The following UACA variants were observed in gnomAD, a reference collection of about 807,000 sequenced individuals.
UACA encodes the protein nuclear membrane binding protein.
A neutral mutation model predicts 160.5 loss-of-function variants in UACA; 112 were observed. The ratio of observed to expected loss-of-function variants is 0.70; its 90% CI spans 0.60 to 0.82. The LOEUF is 0.82. Ranked by LOEUF, UACA falls within the 40% of genes least tolerant of loss-of-function variation. UACA has a pLI of 0.00. For missense variants in UACA, 1,574 were observed against 1,614.6 expected, an observed-to-expected ratio of 0.97 and a Z score of 0.43; for synonymous variants, 557 against 568.4, an observed-to-expected ratio of 0.98 and a Z score of 0.29.
chr15:70,680,029 CAACTT>C (rs1897439595), intron 9 of UACA: 1 of 92,540 alleles, frequency 1.1e-5, no homozygotes, highest in South Asian at 3.7e-4. Context: ...TAAAAGAACT[CAACTT>C]AAAAAAAAAA....
chr15:70,740,471 A>G (rs1899495381), intron 1 of UACA, among the ~76,000 whole-genome samples: 1 of 149,546 alleles, frequency 6.7e-6, no homozygotes, highest in African/African-American at 2.5e-5. Flanking sequence ...AAAAAATTCA[A>G]TCTATCAATC....
chr15:70,727,294 A>C (rs889384365), intron 1 of UACA, among the ~76,000 whole-genome samples: 1 of 152,198 alleles, frequency 6.6e-6, no homozygotes, highest in African/African-American at 2.4e-5. Flanking sequence ...AAAATTTATA[A>C]TTAATGCATG....
intron 7 of UACA, among the ~76,000 whole-genome samples, chr15:70,686,881 T>C (rs1357801829): frequency 2.0e-5 from 3 of 152,162 alleles, no homozygotes; most frequent in African/African-American, 7.2e-5. Context: ...ACTTCAGAAT[T>C]GTAATACAAC....
rs1186375508 is a variant in UACA at position 70,665,488 on chromosome 15, C to T, written c.3961-674G>A. Among the ~76,000 whole-genome samples, 3 of 152,192 alleles carry T rather than the reference C, an allele frequency of 2.0e-5. No individual in the cohort carries two copies. The South Asian group carries it at 6.2e-4, about 32-fold the overall frequency. On this transcript the variant is annotated intron_variant, in intron 16 of 18. Coordinates refer to ENST00000322954, the MANE Select transcript of UACA (RefSeq NM_018003.4). ...GGGCACAGTGGCTCACACCTATAGT[C>T]CCAACACTTTGGGAGGCTAAGGCAG...
intron 3 of UACA, among the ~76,000 whole-genome samples, chr15:70,693,913 T>C (rs937257199): frequency 4.6e-5 from 7 of 152,178 alleles, no homozygotes; most frequent in Admixed American, 6.5e-5. Context: ...CACTCAAAGG[T>C]AGCAGATAAA....
At chr15:70,778,253 A>G in the UACA span, among the ~76,000 whole-genome samples, 1 of 152,188 alleles carries the variant, frequency 6.6e-6, no homozygotes, top group Non-Finnish European at 1.5e-5. Flanking sequence ...CAAACTTTAC[A>G]TGCCCATAGG....
intron 1 of UACA, among the ~76,000 whole-genome samples, chr15:70,745,880 A>T (rs1899693721): frequency 6.6e-6 from 1 of 152,218 alleles, no homozygotes; most frequent in Non-Finnish European, 1.5e-5. Context: ...CCTACTTAAT[A>T]AATGGTGTTG....
intron 1 of UACA, among the ~76,000 whole-genome samples, chr15:70,702,988 G>C (rs748890482): frequency 1.3e-5 from 2 of 151,776 alleles, no homozygotes; most frequent in Non-Finnish European, 2.9e-5. Flanking sequence ...TGGATTCACT[G>C]GATGAAAAAA....
intron 1 of UACA, among the ~76,000 whole-genome samples, chr15:70,702,770 C>T (rs1404405843): frequency 6.6e-6 from 1 of 152,190 alleles, no homozygotes; most frequent in Non-Finnish European, 1.5e-5. Flanking sequence ...CTGCATACAA[C>T]CAGGTTTCAG....
intron 9 of UACA, among the ~76,000 whole-genome samples, chr15:70,682,201 G>A (rs1213801448): frequency 1.3e-5 from 2 of 152,154 alleles, no homozygotes; most frequent in African/African-American, 2.4e-5. Flanking sequence ...TAAATGTAGT[G>A]CAAAGCATGA....
chr15:70,669,902 G>C (rs915406779), intron 15 of UACA, among the ~76,000 whole-genome samples: 3 of 152,122 alleles, frequency 2.0e-5, no homozygotes, highest in Non-Finnish European at 4.4e-5. Context: ...CAAGTACTGC[G>C]ATTTTAAATT....
At chr15:70,699,681 A>AC in intron 1 of UACA, 21 bp from the exon 2 acceptor site, 1 of 1,608,748 alleles carries the variant, frequency 6.2e-7, no homozygotes, top group Non-Finnish European at 8.5e-7. Context: ...GAAAAAAAAA[A>AC]GTAAATATGG....
intron 17 of UACA, among the ~76,000 whole-genome samples, chr15:70,663,780 A>C (rs1896804447): frequency 6.7e-6 from 1 of 150,010 alleles, no homozygotes. Context: ...CAAAAAACCA[A>C]ACACTGCATG....
Position 70,745,180 on chromosome 15 carries a change from C to T in UACA, c.78+18150G>A, listed in dbSNP as rs912863816. On this transcript the variant is annotated intron_variant, in intron 1 of 18. Coordinates refer to ENST00000322954, the MANE Select transcript of UACA (RefSeq NM_018003.4). ...GGCGCAGTGGCTCACACCTGTAATCCCAGCACTTTGGGATGCCGAGGCAGG... is the reference window on the plus strand; with the variant it reads ...GGCGCAGTGGCTCACACCTGTAATCTCAGCACTTTGGGATGCCGAGGCAGG... 5.3e-5 allele frequency among the ~76,000 whole-genome samples: 8 copies of T among 152,106 alleles called. No individual in the cohort carries two copies. In the South Asian group the frequency reaches 1.2e-3, roughly 24 times the overall value.
At chr15:70,752,110 T>C (rs1406769404) in intron 1 of UACA, among the ~76,000 whole-genome samples, 7 of 151,720 alleles carry the variant, frequency 4.6e-5, no homozygotes, top group African/African-American at 1.7e-4. Flanking sequence ...TGGTGGCGCG[T>C]GCCCATAATC....
chr15:70,687,397 T>C, intron 7 of UACA, 143 bp downstream of exon 7: 1 of 675,108 alleles, frequency 1.5e-6, no homozygotes, highest in East Asian at 2.6e-5. Flanking sequence ...AAGTAGATGT[T>C]AATTCCAAGG....
rs1285170122 is a variant in UACA, at chr15:70,702,139, CTTGA to C, written c.79-2483_79-2480del. Reference sequence around the variant, plus strand: ...ATATTATCTTCCTTGCAATGCAGAACTTGATTAAGAGCAGCCCCAAGTCAGGTAC... The same window carrying C: ...ATATTATCTTCCTTGCAATGCAGAACTTAAGAGCAGCCCCAAGTCAGGTAC... On this transcript the variant is annotated intron_variant, in intron 1 of 18. Coordinates refer to ENST00000322954, the MANE Select transcript of UACA (RefSeq NM_018003.4). 6.9e-6 allele frequency: 9 copies of C among 1,297,068 alleles called. 1 individual carries two copies. The East Asian group carries it at 1.9e-4, about 27-fold the overall frequency. 80.3% of individuals were successfully genotyped at this position (1,297,068 alleles called of 1,614,324 possible). A position where few individuals can be genotyped will look rare whatever the true frequency, so the allele number is the denominator to read the frequency against.
Position 70,668,849 on chromosome 15 carries a change from ATC to A in UACA, c.1833_1834del (p.Glu611AspfsTer19). On this transcript the variant is annotated frameshift_variant, in exon 16 of 19. Coordinates refer to ENST00000322954, the MANE Select transcript of UACA (RefSeq NM_018003.4). LOFTEE classifies it high-confidence loss of function. The stretch of plus-strand genomic sequence containing the variant: ...TGACAATTCTTTTGCCTGGCCTTCC[ATC>A]TCTGTGACCTTTCTTCCTTTCTTCT... The A allele has an allele frequency of 6.2e-7, 1 of 1,613,792 alleles. No individual in the cohort carries two copies. The highest frequency in any genetic ancestry group is 8.5e-7 in the Non-Finnish European group (1 of 1,179,984).
chr15:70,658,365 CA>C (rs1393773304), intron 18 of UACA, among the ~76,000 whole-genome samples: 2 of 152,130 alleles, frequency 1.3e-5, no homozygotes, highest in African/African-American at 4.8e-5. Context: ...GGTCAAAAAG[CA>C]GTCTCAATTT....
Sources: allele counts gnomAD v4.1 joint callset (sites outside exome capture counted in the v4.1 genomes callset), GRCh38; gene constraint gnomAD v4.1.1; transcripts MANE v1.5; gene names NCBI Gene and HGNC (gene_info 2026-07-23, HGNC 2026-07-21).